The following ANO10 variants were observed in gnomAD, a reference collection of about 807,000 sequenced individuals.
ANO10 encodes anoctamin-10.
ANO10 carries 77 observed loss-of-function variants against 74.7 expected under a neutral mutation model. The observed-to-expected ratio is 1.03, with a 90% CI of 0.86 to 1.25. The LOEUF is 1.25. Ranked by LOEUF, ANO10 falls within the 50% of genes most tolerant of loss-of-function variation. The pLI is 0.00. For synonymous variants in ANO10, 279 were observed against 284.9 expected (o/e 0.98, Z 0.21); for missense variants, 721 against 778.1 (o/e 0.93, Z 0.87).
chr3:43,633,921 C>T (rs975093300), intron 1 of ANO10, among the ~76,000 whole-genome samples: 1 of 150,864 alleles, frequency 6.6e-6, no homozygotes, highest in Non-Finnish European at 1.5e-5. Context: ...AGACTTTTAA[C>T]CCTGGTCTTT....
chr3:43,551,983 C>T (rs2079484967), intron 10 of ANO10, among the ~76,000 whole-genome samples: 1 of 152,022 alleles, frequency 6.6e-6, no homozygotes, highest in Non-Finnish European at 1.5e-5. Flanking sequence ...CTGTTTGTTC[C>T]CTGTTTTTCA....
chr3:43,595,650 A>G lies in ANO10; in HGVS notation c.472+2882T>C, dbSNP rs146143530. Among the ~76,000 whole-genome samples the G allele has an allele frequency of 7.7e-3, 1,179 of 152,310 alleles. 12 individuals are homozygous for G. Among genetic ancestry groups the G allele is most frequent in the African/African-American group, 0.024 (1,008 of 41,576 alleles). On this transcript the variant is annotated intron_variant, in intron 4 of 12. Transcript: ENST00000292246. ...GCTATTTATGACAAACCCACAGCCAATATCATACTGAATGGGCAAAAACTG... is the reference window on the plus strand; with the variant it reads ...GCTATTTATGACAAACCCACAGCCAGTATCATACTGAATGGGCAAAAACTG...
rs898581986 is a variant in ANO10, at chr3:43,690,927, C to G, written c.-12+590G>C. 1.7e-5 allele frequency: 26 copies of G among 1,510,222 alleles called. No homozygotes were observed. In the East Asian group the frequency reaches 3.3e-4, roughly 19 times the overall value. 93.6% of individuals were successfully genotyped at this position (1,510,222 alleles called of 1,614,324 possible). On this transcript the variant is annotated intron_variant, in intron 1 of 3. Transcript: ENST00000413397. The stretch of plus-strand genomic sequence containing the variant: ...CGCCGCCTTAAGTGCCGCGCCAGCC[C>G]GGGGCGGCCCAGTCGGCCTGTCAGC...
rs541098571 is a variant in ANO10 at position 43,579,213 on chromosome 3, AAATT to A, written c.592+1136_592+1139del. Among the ~76,000 whole-genome samples, 326 of 152,290 alleles carry A rather than the reference AAATT, an allele frequency of 2.1e-3. 1 individual carries two copies. The highest frequency in any genetic ancestry group is 7.2e-3 in the African/African-American group (300 of 41,558). ...AAATAATGTCCAGCACATACCAAAT[AAATT>A]AATAATTATTCTTATAATTATATTC... is the stretch of plus-strand genomic sequence containing the variant. On this transcript the variant is annotated intron_variant, in intron 5 of 12. Coordinates refer to ENST00000292246, the MANE Select transcript of ANO10 (RefSeq NM_018075.5).
chr3:43,412,731 A>G (rs561563947), intron 12 of ANO10, among the ~76,000 whole-genome samples: 15 of 152,348 alleles, frequency 9.8e-5, no homozygotes, highest in South Asian at 8.3e-4. Context: ...GTAGAGCAAT[A>G]TAAGAGCCTG....
chr3:43,483,384 T>A (rs1168166197), intron 11 of ANO10, among the ~76,000 whole-genome samples: 1 of 152,178 alleles, frequency 6.6e-6, no homozygotes. Context: ...TGTAAAATGG[T>A]ATCTCATCAG....
chr3:43,455,333 T>C (rs1388238443), intron 11 of ANO10, among the ~76,000 whole-genome samples: 2 of 151,864 alleles, frequency 1.3e-5, no homozygotes, highest in Admixed American at 1.3e-4. Flanking sequence ...GAATCTAAAG[T>C]GAGGCAGGCC....
At chr3:43,541,159 A>C (rs895349374) in intron 11 of ANO10, among the ~76,000 whole-genome samples, 14 of 152,354 alleles carry the variant, frequency 9.2e-5, no homozygotes, top group South Asian at 6.2e-4. Context: ...CAGATTAGTA[A>C]CTTAGTTTGT....
intron 1 of ANO10, among the ~76,000 whole-genome samples, chr3:43,658,668 C>T (rs1449848281): frequency 6.6e-6 from 1 of 152,072 alleles, no homozygotes; most frequent in Non-Finnish European, 1.5e-5. Flanking sequence ...CGGGATTTCA[C>T]CACGTTGGCC....
chr3:43,563,034 T>C, intron 8 of ANO10, among the ~76,000 whole-genome samples: 1 of 152,172 alleles, frequency 6.6e-6, no homozygotes, highest in East Asian at 1.9e-4. Flanking sequence ...AGACAATCTG[T>C]TGAATGGGAG....
chr3:43,686,073 C>A (rs902560713), intron 1 of ANO10, among the ~76,000 whole-genome samples: 1 of 152,158 alleles, frequency 6.6e-6, no homozygotes, highest in Non-Finnish European at 1.5e-5. Flanking sequence ...GGCAGCTCTA[C>A]CACTGAGTTC....
chr3:43,689,899 A>G (rs568777748), intron 1 of ANO10, among the ~76,000 whole-genome samples: 2 of 152,330 alleles, frequency 1.3e-5, no homozygotes, highest in African/African-American at 4.8e-5. Flanking sequence ...AAGTGAGCCC[A>G]TAGTAGACAC....
At chr3:43,529,526 G>A (rs1477498225) in intron 11 of ANO10, among the ~76,000 whole-genome samples, 1 of 152,116 alleles carries the variant, frequency 6.6e-6, no homozygotes, top group African/African-American at 2.4e-5. Context: ...ATAGAACAAA[G>A]GGGAAAAGGA....
Position 43,673,295 on chromosome 3 carries a change from C to T in ANO10, c.-12+18222G>A, listed in dbSNP as rs114208805. The stretch of plus-strand genomic sequence containing the variant: ...GCCAATTGGTGTTTGTTTTCTGCCA[C>T]AAGTGCAGACTAAACAGAATGGATA... On this transcript the variant is annotated intron_variant, in intron 1 of 3. Coordinates refer to the ANO10 transcript ENST00000413397. Among the ~76,000 whole-genome samples the T allele has an allele frequency of 4.7e-3, 711 of 152,268 alleles. 9 individuals carry two copies. Among genetic ancestry groups the T allele is most frequent in the African/African-American group, 0.016 (657 of 41,544 alleles).
intron 7 of ANO10, among the ~76,000 whole-genome samples, chr3:43,572,814 T>G (rs1466296894): frequency 6.6e-6 from 1 of 152,008 alleles, no homozygotes; most frequent in Non-Finnish European, 1.5e-5. Flanking sequence ...ACTGCGGAGA[T>G]GGGGAGTCAT....
At chr3:43,485,087 C>A (rs914417819) in intron 11 of ANO10, 15 of 1,142,644 alleles carry the variant, frequency 1.3e-5, no homozygotes, top group Middle Eastern at 2.8e-4. Flanking sequence ...GACAGCCGGC[C>A]GGCGGCACTT....
intron 11 of ANO10, among the ~76,000 whole-genome samples, chr3:43,493,488 T>C (rs1298363343): frequency 6.6e-6 from 1 of 152,212 alleles, no homozygotes; most frequent in Non-Finnish European, 1.5e-5. Context: ...TTATTTAATA[T>C]GCCATTTATT....
chr3:43,403,315 T>C (rs2092516957), intron 12 of ANO10, among the ~76,000 whole-genome samples: 1 of 152,248 alleles, frequency 6.6e-6, no homozygotes, highest in Non-Finnish European at 1.5e-5. Flanking sequence ...GAACCCATAA[T>C]TAGCCTTTCT....
At chr3:43,582,828 A>G (rs1345212938) in intron 4 of ANO10, among the ~76,000 whole-genome samples, 1 of 152,196 alleles carries the variant, frequency 6.6e-6, no homozygotes, top group African/African-American at 2.4e-5. Context: ...CCATTTTTTA[A>G]TATTTTAATT....
Sources: allele counts gnomAD v4.1 joint callset (sites outside exome capture counted in the v4.1 genomes callset), GRCh38; gene constraint gnomAD v4.1.1; transcripts MANE v1.5; gene names NCBI Gene and HGNC (gene_info 2026-07-23, HGNC 2026-07-21).